MTBP: variants seen among roughly 807,000 people sequenced by gnomAD.
MTBP encodes the protein MDM2 binding protein, also known as mdm2-binding protein.
A neutral mutation model predicts 117.0 loss-of-function variants in MTBP; 101 were observed. The observed-to-expected ratio is 0.86, with a 90% CI of 0.73 to 1.02. MTBP has a LOEUF of 1.02. MTBP is among the 50% of genes least tolerant of loss of function. The pLI is 0.00. For missense variants in MTBP, 970 were observed against 1,030.9 expected, an observed-to-expected ratio of 0.94 and a Z score of 0.81; for synonymous variants, 350 against 351.5, an observed-to-expected ratio of 1.00 and a Z score of 0.05.
At chr8:120,517,112 A>G (rs796246588) in intron 18 of MTBP, among the ~76,000 whole-genome samples, 15 of 152,134 alleles carry the variant, frequency 9.9e-5, no homozygotes, top group African/African-American at 3.6e-4. Context: ...GGTCAGCAGA[A>G]TTGAGGGCTA....
intron 18 of MTBP, 56 bp from the exon 19 acceptor site, chr8:120,517,795 A>G (rs1814945179): frequency 6.0e-6 from 9 of 1,512,316 alleles, no homozygotes; most frequent in African/African-American, 1.4e-5. Flanking sequence ...CAGAAAATGA[A>G]CTTCGATGTT....
intron 17 of MTBP, among the ~76,000 whole-genome samples, chr8:120,513,022 C>T (rs1202395603): frequency 1.3e-5 from 2 of 152,056 alleles, no homozygotes; most frequent in Non-Finnish European, 2.9e-5. Context: ...GGGAGCAAAA[C>T]AATGTTTTTT....
At position 120,455,725 on chromosome 8, in the gene MTBP, G is replaced by C. The variant is rs575267077; in HGVS notation, c.629+146G>C. On this transcript the variant is annotated intron_variant, in intron 6 of 21. Transcript: ENST00000305949. ...TGTTATACCATGATTGCAAATTTGT[G>C]TATTGAGAAGAATCTAGATGTTTCA... 12 of 705,726 alleles carry C rather than the reference G, an allele frequency of 1.7e-5. No homozygotes were observed. The African/African-American group carries it at 2.2e-4, about 13-fold the overall frequency. The allele number at this position is 705,726 out of a possible 1,614,324, so 43.7% of individuals were successfully genotyped here. A position where few individuals can be genotyped will look rare whatever the true frequency, so the allele number is the denominator to read the frequency against.
At chr8:120,496,701 T>G (rs1814464515) in intron 13 of MTBP, among the ~76,000 whole-genome samples, 1 of 124,020 alleles carries the variant, frequency 8.1e-6, no homozygotes, top group African/African-American at 2.6e-5. Context: ...TACCTGATGT[T>G]CCATACAAAA....
chr8:120,489,068 C>T (rs1814284536), intron 12 of MTBP, among the ~76,000 whole-genome samples: 1 of 68,222 alleles, frequency 1.5e-5, no homozygotes, highest in Non-Finnish European at 4.3e-5. Flanking sequence ...GAGACAGAGT[C>T]TTCCTCTGTC....
At chr8:120,454,963 G>A (rs959406845) in intron 5 of MTBP, among the ~76,000 whole-genome samples, 8 of 151,716 alleles carry the variant, frequency 5.3e-5, no homozygotes, top group Non-Finnish European at 8.9e-5. Flanking sequence ...GTGTTTTATT[G>A]TCCTTTATAA....
rs185292752 is a variant in MTBP, at chr8:120,475,290, C to T, written c.1165+4353C>T. 3.2e-3 allele frequency among the ~76,000 whole-genome samples: 482 copies of T among 152,032 alleles called. 5 individuals are homozygous for T. Among genetic ancestry groups the T allele is most frequent in the Middle Eastern group, 0.014 (4 of 294 alleles). ...CTTTTTACCTTAGTACTCATGCTGT[C>T]TATTATACTAAATGTGTGTCTACCT... On this transcript the variant is annotated intron_variant, in intron 11 of 21. Transcript: ENST00000305949.
intron 11 of MTBP, among the ~76,000 whole-genome samples, chr8:120,484,356 T>C (rs1814164037): frequency 6.6e-6 from 1 of 152,270 alleles, no homozygotes; most frequent in Non-Finnish European, 1.5e-5. Flanking sequence ...GCTATCTAAT[T>C]GTAAAAATTG....
In MTBP at chr8:120,463,787, T is replaced by G. The variant is rs142965275; in HGVS notation, c.1047+26T>G. 8.7e-3 allele frequency: 13,895 copies of G among 1,594,842 alleles called. 66 individuals carry two copies. Among genetic ancestry groups the G allele is most frequent in the Non-Finnish European group, 0.011 (12,311 of 1,166,704 alleles). On this transcript the variant is annotated intron_variant, in intron 10 of 21. Coordinates refer to ENST00000305949, the MANE Select transcript of MTBP (RefSeq NM_022045.5). ...GTATTGAGGGTTTCTTGGGGGTTTT[T>G]TGTTTGTTTGTTTTTATACTTGCCA...
intron 6 of MTBP, among the ~76,000 whole-genome samples, 194 bp downstream of exon 6, chr8:120,455,773 GAT>G (rs1294003754): frequency 6.6e-6 from 1 of 152,050 alleles, no homozygotes; most frequent in Non-Finnish European, 1.5e-5. Flanking sequence ...ATGTTTCTGA[GAT>G]ATTTAAGTTT....
chr8:120,466,292 A>G (rs1420530304), intron 10 of MTBP, among the ~76,000 whole-genome samples: 3 of 147,888 alleles, frequency 2.0e-5, no homozygotes, highest in African/African-American at 7.5e-5. Context: ...GCTCACTGCA[A>G]CCTCCGTCTC....
intron 13 of MTBP, among the ~76,000 whole-genome samples, chr8:120,494,392 G>A (rs918124535): frequency 3.3e-5 from 5 of 152,150 alleles, no homozygotes; most frequent in Admixed American, 6.5e-5. Context: ...TTTTATCAAA[G>A]TGATACATGG....
chr8:120,512,846 C>T (rs569320396), intron 17 of MTBP, among the ~76,000 whole-genome samples: 1 of 151,446 alleles, frequency 6.6e-6, no homozygotes, highest in East Asian at 1.9e-4. Context: ...GTATGAGAAC[C>T]GATTTATGTT....
At chr8:120,506,477 T>C (rs1233908972) in intron 15 of MTBP, among the ~76,000 whole-genome samples, 1 of 152,210 alleles carries the variant, frequency 6.6e-6, no homozygotes, top group Non-Finnish European at 1.5e-5. Flanking sequence ...TAACTGCAAG[T>C]TTTATTGTGA....
At chr8:120,484,193 C>G (rs1212356697) in intron 11 of MTBP, among the ~76,000 whole-genome samples, 1 of 152,076 alleles carries the variant, frequency 6.6e-6, no homozygotes, top group Non-Finnish European at 1.5e-5. Flanking sequence ...CAGCAAGCAG[C>G]TAAAATGGTA....
intron 12 of MTBP, among the ~76,000 whole-genome samples, chr8:120,488,558 T>C (rs1814269350): frequency 6.6e-6 from 1 of 152,226 alleles, no homozygotes; most frequent in African/African-American, 2.4e-5. Context: ...TAAAGTTTAG[T>C]AGATCAGCCT....
chr8:120,516,796 G>A (rs901458444), intron 18 of MTBP, among the ~76,000 whole-genome samples: 1 of 151,850 alleles, frequency 6.6e-6, no homozygotes, highest in Non-Finnish European at 1.5e-5. Context: ...TAGGTTCTTG[G>A]CATCTAAAGC....
intron 4 of MTBP, chr8:120,451,980 A>T (rs1391993926): frequency 6.6e-6 from 1 of 152,232 alleles, no homozygotes; most frequent in Non-Finnish European, 1.5e-5. Context: ...TTGAGGCTGA[A>T]ATATGTGACT....
intron 18 of MTBP, among the ~76,000 whole-genome samples, chr8:120,516,744 T>C (rs1306631381): frequency 1.3e-5 from 2 of 152,078 alleles, no homozygotes; most frequent in African/African-American, 4.8e-5. Flanking sequence ...TGAACACTAA[T>C]TTTTATTGAA....
Sources: allele counts gnomAD v4.1 joint callset (sites outside exome capture counted in the v4.1 genomes callset), GRCh38; gene constraint gnomAD v4.1.1; transcripts MANE v1.5; gene names NCBI Gene and HGNC (gene_info 2026-07-23, HGNC 2026-07-21).